Variants in ANKRD44 observed in about 807,000 individuals in gnomAD.
ANKRD44 encodes ankyrin repeat domain 44.
ANKRD44 carries 35 observed loss-of-function variants against 116.0 expected under a neutral mutation model. The ratio of observed to expected loss-of-function variants is 0.30; its 90% CI spans 0.23 to 0.40. The LOEUF is 0.40. ANKRD44 is among the 10% of genes least tolerant of loss of function. The probability of loss-of-function intolerance (pLI) is 1.00; values close to 1 mark genes in which losing one functional copy is unlikely to be tolerated. For synonymous variants in ANKRD44, 435 were observed against 461.8 expected (o/e 0.94, Z 0.74); for missense variants, 1,014 against 1,242.6 (o/e 0.82, Z 2.77).
In ANKRD44 at chr2:197,147,008, G is replaced by T; in HGVS notation, c.190+19C>A. The T allele has an allele frequency of 1.2e-6, 2 of 1,607,826 alleles. No homozygotes were observed. The highest frequency in any genetic ancestry group is 1.1e-5 in the South Asian group (1 of 90,772). The stretch of plus-strand genomic sequence containing the variant: ...AAATTTTTATTTGCAATTGACTTTT[G>T]AGTATAGCAGTTATTTACCTGACAA... On this transcript the variant is annotated intron_variant, in intron 3 of 27. Coordinates refer to ENST00000282272, the MANE Select transcript of ANKRD44 (RefSeq NM_001195144.2).
intron 1 of ANKRD44, among the ~76,000 whole-genome samples, chr2:197,232,857 G>A (rs2081897017): frequency 6.6e-6 from 1 of 152,222 alleles, no homozygotes; most frequent in Non-Finnish European, 1.5e-5. Flanking sequence ...ACCAAGAAGA[G>A]ATGGAAGGCA....
At position 196,992,772 on chromosome 2, in the gene ANKRD44, C is replaced by A. The variant is rs1456102745; in HGVS notation, c.2923+811G>T. ...TAATGATAATCAGTATGGCTGCTTA[C>A]TTCTGAGAAATAGGCATGAGCTGCT... On this transcript the variant is annotated intron_variant, in intron 27 of 27. Transcript: ENST00000282272. 8 of 152,636 alleles carry A rather than the reference C, an allele frequency of 5.2e-5. 1 individual carries two copies. The highest frequency in any genetic ancestry group is 7.3e-5 in the Non-Finnish European group (5 of 68,038). 9.5% of individuals were successfully genotyped at this position (152,636 alleles called of 1,614,324 possible).
At chr2:197,102,344 T>C (rs963793071) in intron 9 of ANKRD44, among the ~76,000 whole-genome samples, 1 of 152,208 alleles carries the variant, frequency 6.6e-6, no homozygotes, top group Non-Finnish European at 1.5e-5. Flanking sequence ...AAGGGAGATA[T>C]CTAGGTCAAA....
chr2:197,107,204 A>T (rs1260593939), intron 9 of ANKRD44, among the ~76,000 whole-genome samples: 3 of 152,252 alleles, frequency 2.0e-5, no homozygotes, highest in Non-Finnish European at 4.4e-5. Flanking sequence ...TTGCCTTGGA[A>T]GGATTGTGAG....
intron 3 of ANKRD44, 50 bp from the exon 4 acceptor site, chr2:197,136,712 C>A: frequency 6.5e-7 from 1 of 1,534,384 alleles, no homozygotes; most frequent in Non-Finnish European, 9.0e-7. Context: ...AAGGGAAGCC[C>A]TGCCGACGTT....
intron 1 of ANKRD44, among the ~76,000 whole-genome samples, chr2:197,294,182 T>C (rs945316256): frequency 2.6e-5 from 4 of 152,232 alleles, no homozygotes; most frequent in African/African-American, 9.6e-5. Flanking sequence ...GCTTAGGTAC[T>C]CGGTCACTGT....
At chr2:197,150,532 G>C (rs1393695078) in intron 2 of ANKRD44, among the ~76,000 whole-genome samples, 2 of 152,050 alleles carry the variant, frequency 1.3e-5, no homozygotes, top group South Asian at 2.1e-4. Context: ...CTGGGTGACA[G>C]AGCGAGACTC....
intron 16 of ANKRD44, among the ~76,000 whole-genome samples, chr2:197,066,433 T>C (rs1257651950): frequency 2.0e-5 from 3 of 152,214 alleles, no homozygotes; most frequent in Non-Finnish European, 2.9e-5. Context: ...TTGGAAGTTC[T>C]GGCCAGGGCA....
In ANKRD44 at chr2:197,308,049, A is replaced by C. The variant is rs186809558; in HGVS notation, c.27+2529T>G. ...GCCAGGTGTGGTGGCACACGCGCCCATAGTCCCAGCTACTGGGGAGGCTGA... is the reference window on the plus strand; with the variant it reads ...GCCAGGTGTGGTGGCACACGCGCCCCTAGTCCCAGCTACTGGGGAGGCTGA... On this transcript the variant is annotated intron_variant, in intron 1 of 27. Coordinates refer to ENST00000282272, the MANE Select transcript of ANKRD44 (RefSeq NM_001195144.2). 1.5e-3 allele frequency among the ~76,000 whole-genome samples: 223 copies of C among 152,092 alleles called. 5 individuals are homozygous for C. The highest frequency in any genetic ancestry group is 0.012 in the Admixed American group (189 of 15,268).
At chr2:197,184,380 G>A (rs917237790) in intron 2 of ANKRD44, among the ~76,000 whole-genome samples, 2 of 152,252 alleles carry the variant, frequency 1.3e-5, no homozygotes, top group South Asian at 2.1e-4. Flanking sequence ...AGTAGCTCAC[G>A]CCTGTAATCT....
intron 1 of ANKRD44, among the ~76,000 whole-genome samples, chr2:197,279,230 T>C (rs1411534279): frequency 6.6e-6 from 1 of 152,182 alleles, no homozygotes; most frequent in African/African-American, 2.4e-5. Flanking sequence ...CTAATAAAAC[T>C]GTGAGGGTCA....
chr2:197,168,562 T>C (rs1371697181), intron 2 of ANKRD44, among the ~76,000 whole-genome samples: 2 of 152,194 alleles, frequency 1.3e-5, no homozygotes, highest in South Asian at 2.1e-4. Context: ...GTCACTTTGC[T>C]GTCCCCTGCG....
intron 1 of ANKRD44, among the ~76,000 whole-genome samples, chr2:197,277,724 T>TC (rs1330238730): frequency 6.6e-6 from 1 of 151,996 alleles, no homozygotes; most frequent in Non-Finnish European, 1.5e-5. Flanking sequence ...ATGGAAGAGG[T>TC]CCCAAGGAGT....
chr2:197,278,396 G>A lies in ANKRD44; in HGVS notation c.27+32182C>T, dbSNP rs529888046. Among the ~76,000 whole-genome samples the A allele has an allele frequency of 1.3e-4, 20 of 151,902 alleles. No homozygotes were observed. The South Asian group carries it at 2.5e-3, about 19-fold the overall frequency. ...TGTTTTGACAGAGTCTTGCTCTGTCGCCCAGGCTGGAGTGCAGTGGTGTGA... is the reference window on the plus strand; with the variant it reads ...TGTTTTGACAGAGTCTTGCTCTGTCACCCAGGCTGGAGTGCAGTGGTGTGA... On this transcript the variant is annotated intron_variant, in intron 1 of 27. Transcript: ENST00000282272.
At chr2:196,995,111 A>G (rs894984387) in intron 26 of ANKRD44, 1 of 237,418 alleles carries the variant, frequency 4.2e-6, no homozygotes, top group Non-Finnish European at 8.1e-6. Context: ...CTAAATTTAT[A>G]ATATTACCCC....
intron 1 of ANKRD44, among the ~76,000 whole-genome samples, chr2:197,230,782 G>T (rs2081840771): frequency 6.6e-6 from 1 of 152,078 alleles, no homozygotes; most frequent in Non-Finnish European, 1.5e-5. Flanking sequence ...GGGGCCTCGG[G>T]TCTCTTCTTC....
intron 27 of ANKRD44, chr2:196,990,768 T>C: frequency 1.6e-6 from 2 of 1,232,182 alleles, no homozygotes; most frequent in African/African-American, 3.1e-5. Flanking sequence ...GCTACCCAGA[T>C]TGGAGAGGGT....
At chr2:197,288,019 C>CAAAAAAAAAAAAAAAAA (rs10666895) in intron 1 of ANKRD44, among the ~76,000 whole-genome samples, 2 of 81,782 alleles carry the variant, frequency 2.4e-5, no homozygotes, top group Non-Finnish European at 4.6e-5. Context: ...GACTCAGTCT[C>CAAAAAAAAAAAAAAAAA]AAAAAAAAAA....
At chr2:197,122,065 G>A (rs75906066) in intron 7 of ANKRD44, among the ~76,000 whole-genome samples, 4 of 152,182 alleles carry the variant, frequency 2.6e-5, no homozygotes, top group Admixed American at 2.0e-4. Flanking sequence ...TAGCAGAGCA[G>A]TGGTGCCGTC....
Sources: allele counts gnomAD v4.1 joint callset (sites outside exome capture counted in the v4.1 genomes callset), GRCh38; gene constraint gnomAD v4.1.1; transcripts MANE v1.5; gene names NCBI Gene and HGNC (gene_info 2026-07-23, HGNC 2026-07-21).